Variants in DYNC2H1 observed in about 807,000 individuals in gnomAD.
DYNC2H1 encodes dynein cytoplasmic 2 heavy chain 1.
In DYNC2H1, 410 loss-of-function variants were observed where a neutral mutation model predicts 570.0. The observed-to-expected ratio is 0.72, with a 90% CI of 0.66 to 0.78. The LOEUF (loss-of-function observed/expected upper bound fraction) is 0.78. Among genes scored for constraint, DYNC2H1 ranks in the 30% least tolerant of loss-of-function variants. The pLI, the probability that DYNC2H1 is intolerant of heterozygous loss-of-function variation, is 0.00. For synonymous variants in DYNC2H1, 1,688 were observed against 1,677.6 expected, an observed-to-expected ratio of 1.01 and a Z score of -0.15; for missense variants, 4,865 against 5,046.4, an observed-to-expected ratio of 0.96 and a Z score of 1.09.
rs540280332 is a variant in DYNC2H1, at chr11:103,187,735, T to C, written c.7140+149T>C. On this transcript the variant is annotated intron_variant, in intron 43 of 88. Coordinates refer to ENST00000375735, the MANE Select transcript of DYNC2H1 (RefSeq NM_001377.3). ...AACTCCTGAAACACTTCAGTCTTGT[T>C]CCAGTTCTTCTGTGATTTTCCTTTC... The C allele has an allele frequency of 2.6e-4, 263 of 1,012,516 alleles. 2 individuals carry two copies. The highest frequency in any genetic ancestry group is 1.3e-3 in the Middle Eastern group (4 of 3,070). The allele number at this position is 1,012,516 out of a possible 1,614,324, so 62.7% of individuals were successfully genotyped here.
chr11:103,213,147 G>A (rs1863222278), intron 54 of DYNC2H1, among the ~76,000 whole-genome samples: 1 of 152,130 alleles, frequency 6.6e-6, no homozygotes, highest in African/African-American at 2.4e-5. Flanking sequence ...GGCCAGGCCA[G>A]GGTGAAATGT....
Position 103,201,557 on chromosome 11 carries a change from A to T in DYNC2H1, c.8197+1403A>T, listed in dbSNP as rs1263795204. On this transcript the variant is annotated intron_variant, in intron 50 of 88. Transcript: ENST00000375735. The surrounding 1 kb of genome is among the most constrained non-coding windows in gnomAD (Gnocchi z 4.8). ...TACTACCCTAAATCCATTGAATTAA[A>T]ATCTCTGGGGTATGGTGGGAGTATC... Among the ~76,000 whole-genome samples, 3 of 152,166 alleles carry T rather than the reference A, an allele frequency of 2.0e-5. No individual in the cohort carries two copies. The highest frequency in any genetic ancestry group is 2.0e-4 in the Admixed American group (3 of 15,272).
At chr11:103,190,558 G>C (rs1477321643) in intron 45 of DYNC2H1, among the ~76,000 whole-genome samples, 1 of 152,176 alleles carries the variant, frequency 6.6e-6, no homozygotes, top group Non-Finnish European at 1.5e-5. Context: ...TGCTGGAGGT[G>C]AAAGAATGTC....
intron 83 of DYNC2H1, among the ~76,000 whole-genome samples, chr11:103,368,918 A>G (rs1941028308): frequency 6.6e-6 from 1 of 152,094 alleles, no homozygotes; most frequent in African/African-American, 2.4e-5. Context: ...GCAGAATAGA[A>G]GGCTCCACCA....
At chr11:103,338,171 G>C (rs1939250230) in intron 82 of DYNC2H1, among the ~76,000 whole-genome samples, 1 of 141,360 alleles carries the variant, frequency 7.1e-6, no homozygotes, top group Non-Finnish European at 1.6e-5. Context: ...TATTGAAGCT[G>C]AGTTGGTTGT....
chr11:103,232,112 T>C (rs528417451), intron 60 of DYNC2H1, among the ~76,000 whole-genome samples: 92 of 152,142 alleles, frequency 6.0e-4, no homozygotes, highest in African/African-American at 2.2e-3. Context: ...TTCACTGTCA[T>C]GTGCTCACAA....
chr11:103,414,083 ATG>A (rs1943191370), intron 84 of DYNC2H1, among the ~76,000 whole-genome samples: 1 of 152,162 alleles, frequency 6.6e-6, no homozygotes, highest in Non-Finnish European at 1.5e-5. Flanking sequence ...AATGATAAAA[ATG>A]AAAGTACCAA....
At chr11:103,368,535 G>T (rs971844666) in intron 83 of DYNC2H1, among the ~76,000 whole-genome samples, 1 of 151,852 alleles carries the variant, frequency 6.6e-6, no homozygotes, top group African/African-American at 2.4e-5. Context: ...CTCCCATTCT[G>T]TAGGTTAACT....
chr11:103,286,762 A>G (rs1299994500), intron 74 of DYNC2H1, among the ~76,000 whole-genome samples: 9 of 152,198 alleles, frequency 5.9e-5, no homozygotes, highest in Admixed American at 5.9e-4. Flanking sequence ...ATTTTAAAAT[A>G]GAATGTTGAA....
intron 81 of DYNC2H1, among the ~76,000 whole-genome samples, chr11:103,322,834 A>G (rs1938283320): frequency 1.3e-5 from 2 of 152,236 alleles, no homozygotes; most frequent in Non-Finnish European, 2.9e-5. Flanking sequence ...ACGATAATAC[A>G]TGCACACATA....
At chr11:103,134,241 G>T in intron 14 of DYNC2H1, 80 bp from the exon 15 acceptor site, 2 of 1,194,132 alleles carry the variant, frequency 1.7e-6, no homozygotes, top group Non-Finnish European at 2.5e-6. Context: ...GGTTAAGGTG[G>T]TATCTGTCAG....
At chr11:103,359,750 C>T (rs11225744) in intron 83 of DYNC2H1, among the ~76,000 whole-genome samples, 10,413 of 150,706 alleles carry the variant, frequency 0.069, 368 homozygotes, top group Non-Finnish European at 0.077. Context: ...CTGCAGCCTC[C>T]GCCTCCCGGG....
At chr11:103,274,480 A>T (rs1022258001) in intron 70 of DYNC2H1, among the ~76,000 whole-genome samples, 3 of 151,548 alleles carry the variant, frequency 2.0e-5, no homozygotes, top group Non-Finnish European at 4.4e-5. Context: ...ATTTATCTTT[A>T]TCGATAATTA....
intron 20 of DYNC2H1, among the ~76,000 whole-genome samples, chr11:103,149,675 T>A (rs937961380): frequency 2.0e-5 from 3 of 152,178 alleles, no homozygotes; most frequent in African/African-American, 7.2e-5. Flanking sequence ...TTGACTGATA[T>A]GTATGGATCA....
chr11:103,456,201 A>G (rs1591784770), intron 86 of DYNC2H1, 74 bp from the exon 87 acceptor site: 24 of 1,122,032 alleles, frequency 2.1e-5, no homozygotes, highest in Non-Finnish European at 2.9e-5. Flanking sequence ...AAATAGGACT[A>G]TATCTTCAGT....
In DYNC2H1 at chr11:103,205,682, GA is replaced by G. The variant is rs1047632749; in HGVS notation, c.8454+726del. Among the ~76,000 whole-genome samples, 31 of 151,780 alleles carry G rather than the reference GA, an allele frequency of 2.0e-4. No individual in the cohort carries two copies. The highest frequency in any genetic ancestry group is 1.9e-3 in the Admixed American group (29 of 15,228). ...TATATATGTTGAGGACATAGCAGAC[GA>G]AAAAAAACCAGAGAGAAATCCCTGC... On this transcript the variant is annotated intron_variant, in intron 52 of 88. Coordinates refer to ENST00000375735, the MANE Select transcript of DYNC2H1 (RefSeq NM_001377.3). This position sits in a 1 kb window ranked among gnomAD's most constrained non-coding sequence, Gnocchi z 4.5.
At chr11:103,343,195 G>A (rs917462102) in intron 82 of DYNC2H1, among the ~76,000 whole-genome samples, 1 of 152,116 alleles carries the variant, frequency 6.6e-6, no homozygotes, top group Non-Finnish European at 1.5e-5. Flanking sequence ...CTGAGGTCCC[G>A]ACAAAAGTTT....
At chr11:103,166,905 A>T (rs1200682388) in intron 31 of DYNC2H1, among the ~76,000 whole-genome samples, 2 of 147,794 alleles carry the variant, frequency 1.4e-5, no homozygotes, top group Admixed American at 6.8e-5. Context: ...TTCTTCCTGT[A>T]TTATACTCTT....
chr11:103,417,890 A>G (rs1025819348), intron 84 of DYNC2H1, among the ~76,000 whole-genome samples: 1 of 146,912 alleles, frequency 6.8e-6, no homozygotes, highest in African/African-American at 2.5e-5. Flanking sequence ...AAAAAAAAAA[A>G]TTGATCAATG....
Sources: allele counts gnomAD v4.1 joint callset (sites outside exome capture counted in the v4.1 genomes callset), GRCh38; gene constraint gnomAD v4.1.1; non-coding constraint Gnocchi (gnomAD v3.1); transcripts MANE v1.5; gene names NCBI Gene and HGNC (gene_info 2026-07-23, HGNC 2026-07-21).